The following CCSER1 variants were observed in gnomAD, a reference collection of about 807,000 sequenced individuals.
CCSER1 encodes the protein coiled-coil serine rich protein 1, also known as serine-rich coiled-coil domain-containing protein 1.
Under a neutral mutation model 82.0 loss-of-function variants are expected in CCSER1, and 41 were observed. That is an observed-to-expected ratio of 0.50 (90% CI 0.39 to 0.65). The LOEUF (loss-of-function observed/expected upper bound fraction) is 0.65, where lower values mean the gene tolerates loss of function less well. CCSER1 is among the 30% of genes least tolerant of loss of function. CCSER1 has a pLI of 0.00. For synonymous variants in CCSER1, 414 were observed against 383.9 expected, an observed-to-expected ratio of 1.08 and a Z score of -0.92; for missense variants, 1,119 against 1,064.2, an observed-to-expected ratio of 1.05 and a Z score of -0.72.
At chr4:90,336,369 C>CT (rs1442685172) in intron 3 of CCSER1, among the ~76,000 whole-genome samples, 2 of 152,154 alleles carry the variant, frequency 1.3e-5, no homozygotes, top group African/African-American at 4.8e-5. Flanking sequence ...ACATAGGACT[C>CT]TACATGTGTC....
intron 1 of CCSER1, among the ~76,000 whole-genome samples, chr4:90,184,166 G>T (rs1734194758): frequency 1.3e-5 from 2 of 152,050 alleles, no homozygotes; most frequent in African/African-American, 2.4e-5. Context: ...TGACAAGTTT[G>T]TGCCTAGTTT....
intron 5 of CCSER1, among the ~76,000 whole-genome samples, chr4:90,581,204 A>G (rs1378952050): frequency 6.6e-6 from 1 of 152,144 alleles, no homozygotes; most frequent in East Asian, 1.9e-4. Flanking sequence ...AAATTACCCC[A>G]TTAGCAATTA....
intron 10 of CCSER1, among the ~76,000 whole-genome samples, chr4:91,410,438 T>A (rs1297445283): frequency 1.3e-5 from 2 of 152,198 alleles, no homozygotes; most frequent in Non-Finnish European, 2.9e-5. Context: ...TTCTTTTATG[T>A]TTGCTGCCTT....
At chr4:91,549,925 CTT>C (rs35257135) in intron 10 of CCSER1, among the ~76,000 whole-genome samples, 1 of 147,642 alleles carries the variant, frequency 6.8e-6, no homozygotes, top group Admixed American at 6.8e-5. Flanking sequence ...GTCATTGCTG[CTT>C]TTTTTTTTTC....
chr4:91,510,233 A>C (rs1242094323), intron 10 of CCSER1, among the ~76,000 whole-genome samples: 1 of 152,092 alleles, frequency 6.6e-6, no homozygotes, highest in Non-Finnish European at 1.5e-5. Flanking sequence ...TATGTGTTAC[A>C]TTTTATTTTC....
At chr4:90,171,552 G>A (rs955736150) in intron 1 of CCSER1, among the ~76,000 whole-genome samples, 1 of 151,824 alleles carries the variant, frequency 6.6e-6, no homozygotes, top group Non-Finnish European at 1.5e-5. Flanking sequence ...GATGTTTTAA[G>A]TTAAAAACAC....
In CCSER1 at chr4:91,273,195, T is replaced by C. The variant is rs540977926; in HGVS notation, c.2217+187201T>C. ...TTGTAGATTGCTTTTGACAGTATAG[T>C]CATTTTCACAATATTGATTCTACCC... is the stretch of plus-strand genomic sequence containing the variant. On this transcript the variant is annotated intron_variant, in intron 10 of 10. Coordinates refer to ENST00000509176, the MANE Select transcript of CCSER1 (RefSeq NM_001145065.2). Among the ~76,000 whole-genome samples, 3 of 152,236 alleles carry C rather than the reference T, an allele frequency of 2.0e-5. No homozygotes were observed. The East Asian group carries it at 5.8e-4, about 29-fold the overall frequency.
chr4:91,286,693 G>C (rs1743304378), intron 10 of CCSER1, among the ~76,000 whole-genome samples: 1 of 151,638 alleles, frequency 6.6e-6, no homozygotes, highest in Non-Finnish European at 1.5e-5. Context: ...TTTCCATTTT[G>C]TGACCATAAT....
intron 6 of CCSER1, among the ~76,000 whole-genome samples, chr4:90,697,468 C>CAA (rs1353015500): frequency 6.6e-6 from 1 of 151,962 alleles, no homozygotes; most frequent in African/African-American, 2.4e-5. Context: ...ATCTAACAGA[C>CAA]AAAAATAAAC....
chr4:91,401,905 G>T (rs1463012098), intron 10 of CCSER1, among the ~76,000 whole-genome samples: 1 of 152,148 alleles, frequency 6.6e-6, no homozygotes, highest in Non-Finnish European at 1.5e-5. Context: ...AATCCTTTGG[G>T]TATATACCCA....
At position 90,313,006 on chromosome 4, in the gene CCSER1, A is replaced by G; in HGVS notation, c.1468A>G (p.Lys490Glu). 6.2e-7 allele frequency: 1 copy of G among 1,605,392 alleles called. No homozygotes were observed. The highest frequency in any genetic ancestry group is 1.3e-5 in the African/African-American group (1 of 74,952). Residue 490 changes from lysine to glutamate, a missense_variant, in exon 3 of 11, where the codon AAG becomes GAG. Coordinates refer to ENST00000509176, the MANE Select transcript of CCSER1 (RefSeq NM_001145065.2). ...TATAGAAGAAGTTAATAGTTTAAGA[A>G]AGCAAAGAGCAGGTTCTTCATCTTC... is the stretch of plus-strand genomic sequence containing the variant. ...GNIEEVNSLR[K>E]QRAGSSSSKM...
At chr4:91,320,215 G>T (rs1001670968) in intron 10 of CCSER1, among the ~76,000 whole-genome samples, 1 of 152,010 alleles carries the variant, frequency 6.6e-6, no homozygotes, top group Admixed American at 6.6e-5. Context: ...AAGGTTCTTG[G>T]CTCATAAGGA....
chr4:91,386,138 G>C (rs561272716), intron 10 of CCSER1, among the ~76,000 whole-genome samples: 1 of 151,364 alleles, frequency 6.6e-6, no homozygotes, highest in Non-Finnish European at 1.5e-5. Context: ...CCAGTGAATG[G>C]ACCCAGGGTT....
In CCSER1 at chr4:90,308,459, C is replaced by T. The variant is rs1422192912; in HGVS notation, c.175C>T (p.Arg59Trp). The change falls in exon 2 of 11, where the codon CGG becomes TGG. Residue 59 changes from arginine (R) to tryptophan (W), a missense_variant. Coordinates refer to ENST00000509176, the MANE Select transcript of CCSER1 (RefSeq NM_001145065.2). ...CTCAAGCTCAGGTAGCACAGGTAAA[C>T]GGAGGAGCATATTCCGTACTCCTTC... Reference protein sequence around the residue: ...TNSSSGSTGKRRSIFRTPSIS... With the variant: ...TNSSSGSTGKWRSIFRTPSIS... The T allele has an allele frequency of 9.3e-6, 15 of 1,613,654 alleles. No homozygotes were observed. The highest frequency in any genetic ancestry group is 4.0e-5 in the African/African-American group (3 of 74,902).
Position 90,814,620 on chromosome 4 carries a change from C to T in CCSER1, c.2011-1142C>T, listed in dbSNP as rs149739655. The stretch of plus-strand genomic sequence containing the variant: ...AATCAGCCAGGTCACCTCTTGAATG[C>T]TTTGCTGCTTCGAAATTTCTTCCAC... On this transcript the variant is annotated intron_variant, in intron 7 of 10. Coordinates refer to ENST00000509176, the MANE Select transcript of CCSER1 (RefSeq NM_001145065.2). Among the ~76,000 whole-genome samples, 941 of 152,284 alleles carry T rather than the reference C, an allele frequency of 6.2e-3. 7 individuals are homozygous for T. The highest frequency in any genetic ancestry group is 0.022 in the African/African-American group (903 of 41,554).
chr4:90,349,619 A>ATGTATTT, intron 3 of CCSER1, among the ~76,000 whole-genome samples: 1 of 151,872 alleles, frequency 6.6e-6, no homozygotes, highest in African/African-American at 2.4e-5. Flanking sequence ...CTTGTTTGTC[A>ATGTATTT]CGTATTTCAT....
intron 3 of CCSER1, among the ~76,000 whole-genome samples, chr4:90,395,427 G>A (rs1751810588): frequency 6.6e-6 from 1 of 151,468 alleles, no homozygotes; most frequent in African/African-American, 2.4e-5. Context: ...TATTTCTCTG[G>A]GATTTCAGAA....
intron 4 of CCSER1, among the ~76,000 whole-genome samples, chr4:90,446,476 A>G (rs1760670665): frequency 6.6e-6 from 1 of 152,290 alleles, no homozygotes; most frequent in African/African-American, 2.4e-5. Flanking sequence ...TTCAACAAAG[A>G]TTAATAATTA....
At chr4:91,368,820 A>G (rs767298510) in intron 10 of CCSER1, among the ~76,000 whole-genome samples, 3 of 152,180 alleles carry the variant, frequency 2.0e-5, no homozygotes, top group Admixed American at 1.3e-4. Flanking sequence ...ATCAGTTTCT[A>G]TATTTTCAGA....
Sources: allele counts gnomAD v4.1 joint callset (sites outside exome capture counted in the v4.1 genomes callset), GRCh38; gene constraint gnomAD v4.1.1; transcripts MANE v1.5; gene names NCBI Gene and HGNC (gene_info 2026-07-23, HGNC 2026-07-21).